The following PTPRD variants were observed in gnomAD, a reference collection of about 807,000 sequenced individuals.
PTPRD encodes protein tyrosine phosphatase receptor type D.
A neutral mutation model predicts 214.5 loss-of-function variants in PTPRD; 34 were observed. The ratio of observed to expected loss-of-function variants is 0.16; its 90% CI spans 0.12 to 0.21. The LOEUF is 0.21. Among genes scored for constraint, PTPRD ranks in the 10% least tolerant of loss-of-function variants. The probability of loss-of-function intolerance (pLI) is 1.00; values close to 1 mark genes in which losing one functional copy is unlikely to be tolerated. For missense variants in PTPRD, 2,545 were observed against 2,398.7 expected, an observed-to-expected ratio of 1.06 and a Z score of -1.27; for synonymous variants, 1,128 against 845.7, an observed-to-expected ratio of 1.33 and a Z score of -5.79.
intron 3 of PTPRD, among the ~76,000 whole-genome samples, chr9:10,320,816 C>T (rs1188704867): frequency 6.6e-6 from 1 of 152,000 alleles, no homozygotes; most frequent in African/African-American, 2.4e-5. Context: ...CAACCTCTGC[C>T]TTCTGGGCTC....
At chr9:9,594,644 C>G (rs1027623049) in intron 7 of PTPRD, among the ~76,000 whole-genome samples, 1 of 152,074 alleles carries the variant, frequency 6.6e-6, no homozygotes, top group Non-Finnish European at 1.5e-5. Context: ...CCTATTTTAA[C>G]AGTACCATGC....
At chr9:10,117,782 TA>T (rs1248816670) in intron 3 of PTPRD, among the ~76,000 whole-genome samples, 11 of 151,352 alleles carry the variant, frequency 7.3e-5, no homozygotes, top group South Asian at 2.1e-4. Context: ...GTCAGAAGAT[TA>T]AAAAAAAATC....
chr9:9,456,003 T>C (rs1004991399), intron 8 of PTPRD, among the ~76,000 whole-genome samples: 22 of 151,858 alleles, frequency 1.4e-4, no homozygotes, highest in Non-Finnish European at 2.9e-5. Context: ...TTGCCATATT[T>C]ATTGATAAAT....
chr9:10,482,230 G>A (rs956142676), intron 2 of PTPRD, among the ~76,000 whole-genome samples: 4 of 151,848 alleles, frequency 2.6e-5, no homozygotes, highest in Non-Finnish European at 4.4e-5. Flanking sequence ...AATTAGCCGG[G>A]CGTGGTGGCG....
At chr9:9,094,794 T>C (rs1437080313) in intron 10 of PTPRD, among the ~76,000 whole-genome samples, 1 of 151,982 alleles carries the variant, frequency 6.6e-6, no homozygotes, top group Non-Finnish European at 1.5e-5. Context: ...TACAAACTAT[T>C]ACAAAAAGCA....
chr9:9,386,408 C>T (rs2063882885), intron 9 of PTPRD, among the ~76,000 whole-genome samples: 1 of 152,022 alleles, frequency 6.6e-6, no homozygotes, highest in Admixed American at 6.6e-5. Context: ...AAGACTCCAG[C>T]AAATAAGAGA....
At chr9:10,465,138 T>C (rs1337506006) in intron 2 of PTPRD, among the ~76,000 whole-genome samples, 1 of 152,072 alleles carries the variant, frequency 6.6e-6, no homozygotes, top group East Asian at 1.9e-4. Context: ...CTAATAACAA[T>C]AAAGAAAGTC....
intron 5 of PTPRD, among the ~76,000 whole-genome samples, chr9:9,782,086 C>T (rs565766992): frequency 4.6e-5 from 7 of 152,190 alleles, no homozygotes; most frequent in African/African-American, 1.7e-4. Flanking sequence ...CCACCGCACC[C>T]GGCCTTTGGA....
intron 11 of PTPRD, among the ~76,000 whole-genome samples, chr9:8,907,072 T>C (rs992193321): frequency 6.6e-6 from 1 of 152,056 alleles, no homozygotes; most frequent in Non-Finnish European, 1.5e-5. Context: ...GCAGATGACA[T>C]CATCAGGCAT....
intron 11 of PTPRD, among the ~76,000 whole-genome samples, chr9:8,747,335 C>T (rs2092936620): frequency 6.6e-6 from 1 of 152,056 alleles, no homozygotes; most frequent in Admixed American, 6.5e-5. Flanking sequence ...CTTACCTAGT[C>T]CTCCATTCCC....
At chr9:10,275,018 T>G (rs2094601594) in intron 3 of PTPRD, among the ~76,000 whole-genome samples, 2 of 152,108 alleles carry the variant, frequency 1.3e-5, no homozygotes, top group Non-Finnish European at 1.5e-5. Flanking sequence ...GAGTTTATGG[T>G]ACAGTTAAGT....
intron 11 of PTPRD, among the ~76,000 whole-genome samples, chr9:8,983,787 G>C (rs2099326206): frequency 6.6e-6 from 1 of 151,962 alleles, no homozygotes; most frequent in Non-Finnish European, 1.5e-5. Flanking sequence ...AAAGCACTGG[G>C]ATTACAGGCA....
At chr9:10,100,657 A>T (rs1370980902) in intron 3 of PTPRD, among the ~76,000 whole-genome samples, 1 of 151,672 alleles carries the variant, frequency 6.6e-6, no homozygotes, top group Non-Finnish European at 1.5e-5. Flanking sequence ...CAGAAATAAA[A>T]ATTTTCAAAT....
At chr9:10,149,861 G>C (rs1406381595) in intron 3 of PTPRD, among the ~76,000 whole-genome samples, 1 of 151,694 alleles carries the variant, frequency 6.6e-6, no homozygotes, top group Non-Finnish European at 1.5e-5. Flanking sequence ...CTCCCCAGTA[G>C]CTGGGATTAC....
At chr9:10,371,512 A>T (rs1242852808) in intron 2 of PTPRD, among the ~76,000 whole-genome samples, 1 of 151,948 alleles carries the variant, frequency 6.6e-6, no homozygotes, top group Admixed American at 6.6e-5. Context: ...CCTGCTCCAA[A>T]CTGAACAAGT....
At chr9:8,642,619 T>G (rs549557178) in intron 12 of PTPRD, among the ~76,000 whole-genome samples, 23 of 151,942 alleles carry the variant, frequency 1.5e-4, no homozygotes, top group Non-Finnish European at 2.9e-4. Flanking sequence ...AACAGGGCCT[T>G]TGGGGTCTGG....
At chr9:9,947,548 A>G (rs1205026778) in intron 4 of PTPRD, among the ~76,000 whole-genome samples, 4 of 39,512 alleles carry the variant, frequency 1.0e-4, no homozygotes, top group South Asian at 6.2e-4. Context: ...TATAATATAT[A>G]TATTATATAT....
At chr9:9,313,174 C>T (rs1005174007) in intron 9 of PTPRD, among the ~76,000 whole-genome samples, 5 of 152,008 alleles carry the variant, frequency 3.3e-5, no homozygotes, top group Admixed American at 6.6e-5. Flanking sequence ...CCTGGTTTTG[C>T]TGTGTGTCAT....
At position 10,033,772 on chromosome 9, in the gene PTPRD, C is replaced by G. The variant is rs911168924; in HGVS notation, c.-526G>C. 6.6e-6 allele frequency: 1 copy of G among 152,040 alleles called. No homozygotes were observed. The highest frequency in any genetic ancestry group is 6.6e-5 in the Admixed American group (1 of 15,264). The allele number at this position is 152,040 out of a possible 1,614,324, so 9.4% of individuals were successfully genotyped here. On this transcript the variant is annotated 5_prime_UTR_variant, in exon 4 of 46. Coordinates refer to ENST00000381196, the MANE Select transcript of PTPRD (RefSeq NM_002839.4). ...TTTATAGCTGGAGGATGAAAAGTAT[C>G]AGACTCCTCAAGATTTCCCTGAAAG...
Sources: gnomAD v4.1 joint callset for allele counts (sites outside exome capture counted in the v4.1 genomes callset) on GRCh38, gnomAD v4.1.1 for gene constraint, MANE v1.5 for transcripts, NCBI Gene and HGNC (gene_info 2026-07-23, HGNC 2026-07-21) for gene names.